RASA2: variants seen among roughly 807,000 people sequenced by gnomAD.
RASA2 encodes the protein ras GTPase-activating protein 2.
In RASA2, 155 loss-of-function variants were observed where a neutral mutation model predicts 118.2. The observed-to-expected ratio is 1.31, with a 90% CI of 1.15 to 1.50. RASA2 has a LOEUF of 1.50. Ranked by LOEUF, RASA2 falls within the 40% of genes most tolerant of loss-of-function variation. RASA2 has a pLI of 0.00. For missense variants in RASA2, 1,016 were observed against 1,009.6 expected (o/e 1.01, Z -0.09); for synonymous variants, 353 against 349.1 (o/e 1.01, Z -0.12).
chr3:141,568,763 C>T (rs921819182), intron 9 of RASA2, among the ~76,000 whole-genome samples: 3 of 151,852 alleles, frequency 2.0e-5, no homozygotes, highest in Non-Finnish European at 4.4e-5. Context: ...TACCCTACAG[C>T]GTTTGTTAAT....
intron 17 of RASA2, among the ~76,000 whole-genome samples, chr3:141,583,361 G>GT (rs2083147020): frequency 6.6e-6 from 1 of 152,092 alleles, no homozygotes; most frequent in Admixed American, 6.6e-5. Context: ...GGAGGTAGAG[G>GT]TTGCAGTGAG....
intron 1 of RASA2, 77 bp from the exon 2 acceptor site, chr3:141,512,086 T>C: frequency 4.3e-6 from 4 of 928,496 alleles, no homozygotes; most frequent in Non-Finnish European, 5.1e-6. Flanking sequence ...TTCTTTCAGA[T>C]TGAAGTCATC....
intron 3 of RASA2, among the ~76,000 whole-genome samples, chr3:141,528,132 TGTATTTTTTTAATACAGTTACCACTC>T (rs1360466051): frequency 6.6e-6 from 1 of 151,938 alleles, no homozygotes; most frequent in African/African-American, 2.4e-5. Flanking sequence ...CTCCTTCGAT[TGTATTTTTTTAATACAGTTACCACTC>T]GTATTTTTTT....
At chr3:141,529,890 C>A in intron 4 of RASA2, 88 bp downstream of exon 4, 2 of 944,126 alleles carry the variant, frequency 2.1e-6, no homozygotes, top group Non-Finnish European at 3.2e-6. Context: ...GTAAATAGAG[C>A]ATATTATACC....
chr3:141,536,447 A>C (rs376128105), intron 4 of RASA2, among the ~76,000 whole-genome samples: 4 of 152,168 alleles, frequency 2.6e-5, no homozygotes, highest in African/African-American at 7.2e-5. Context: ...CAGCCAAACC[A>C]TATCAGTACG....
At chr3:141,551,281 T>C (rs1369203109) in intron 5 of RASA2, among the ~76,000 whole-genome samples, 1 of 152,232 alleles carries the variant, frequency 6.6e-6, no homozygotes, top group Non-Finnish European at 1.5e-5. Flanking sequence ...GCACAGTCTT[T>C]ACTGGAGGGC....
chr3:141,509,482 A>G (rs1216040945), intron 1 of RASA2, among the ~76,000 whole-genome samples: 2 of 152,378 alleles, frequency 1.3e-5, no homozygotes, highest in East Asian at 3.9e-4. Flanking sequence ...AAATTCTCCC[A>G]ATTAGATATG....
At chr3:141,576,009 T>A (rs914645082) in intron 14 of RASA2, among the ~76,000 whole-genome samples, 4 of 152,202 alleles carry the variant, frequency 2.6e-5, no homozygotes, top group Admixed American at 6.5e-5. Context: ...ACTCCTGACC[T>A]CAGATGATCC....
chr3:141,526,053 C>T (rs1035851374), intron 3 of RASA2: 5 of 152,146 alleles, frequency 3.3e-5, no homozygotes, highest in African/African-American at 4.8e-5. Context: ...CACAAACAGG[C>T]ATGCCTTGGT....
intron 12 of RASA2, 60 bp from the exon 13 acceptor site, chr3:141,573,087 T>G: frequency 7.3e-7 from 1 of 1,368,276 alleles, no homozygotes; most frequent in Non-Finnish European, 9.9e-7. Flanking sequence ...AAAAATAAGT[T>G]ATTTTCATTT....
chr3:141,609,424 G>T lies in RASA2; in HGVS notation c.2230G>T (p.Val744Phe), dbSNP rs1463774211. 1.5e-5 allele frequency: 23 copies of T among 1,562,240 alleles called. No individual in the cohort carries two copies. Among genetic ancestry groups the T allele is most frequent in the Non-Finnish European group, 1.8e-5 (21 of 1,145,734 alleles). ...ATTTTTTTATTTTTACCATAGAGGTGTCCCTGCAGACATCCAAATAGATAT... is the reference window on the plus strand; with the variant it reads ...ATTTTTTTATTTTTACCATAGAGGTTTCCCTGCAGACATCCAAATAGATAT... Reference protein sequence around the residue: ...TLGCKPCTAGVPADIQIDIDE... With the variant: ...TLGCKPCTAGFPADIQIDIDE... Residue 744 changes from valine to phenylalanine, a missense_variant, in exon 22 of 24, where the codon GTC (valine) becomes TTC (phenylalanine). Val to Phe is a conservative substitution (Grantham distance 50). Coordinates refer to ENST00000286364, the MANE Select transcript of RASA2 (RefSeq NM_006506.5).
intron 17 of RASA2, among the ~76,000 whole-genome samples, chr3:141,584,020 A>C (rs1335985042): frequency 6.6e-6 from 1 of 152,134 alleles, no homozygotes; most frequent in African/African-American, 2.4e-5. Flanking sequence ...TAGATTAAAA[A>C]AAAAGAAGAA....
At chr3:141,533,409 C>T (rs2082285833) in intron 4 of RASA2, among the ~76,000 whole-genome samples, 1 of 152,160 alleles carries the variant, frequency 6.6e-6, no homozygotes, top group South Asian at 2.1e-4. Flanking sequence ...CCCAAATAAT[C>T]GCAAGCCTGT....
In RASA2 at chr3:141,487,061, T is replaced by TGCGGCACGGGCC. The variant is rs2081584141; in HGVS notation, c.-21_-10dup. 4 of 1,245,830 alleles carry TGCGGCACGGGCC rather than the reference T, an allele frequency of 3.2e-6. No homozygotes were observed. The highest frequency in any genetic ancestry group is 4.0e-6 in the Non-Finnish European group (4 of 989,110). 77.2% of individuals were successfully genotyped at this position (1,245,830 alleles called of 1,614,324 possible). ...CGCCCGGCTACGCAGGCGGCAGGGC[T>TGCGGCACGGGCC]GCGGCACGGGCCGGGCGGCACCATG... On this transcript the variant is annotated 5_prime_UTR_variant, in exon 1 of 24. Coordinates refer to ENST00000286364, the MANE Select transcript of RASA2 (RefSeq NM_006506.5).
At chr3:141,550,415 A>G (rs1049545933) in intron 5 of RASA2, among the ~76,000 whole-genome samples, 1 of 152,220 alleles carries the variant, frequency 6.6e-6, no homozygotes, top group African/African-American at 2.4e-5. Flanking sequence ...GAACTGTCTC[A>G]GGATGGAGAG....
At chr3:141,598,807 G>A (rs2083415479) in intron 19 of RASA2, among the ~76,000 whole-genome samples, 1 of 152,064 alleles carries the variant, frequency 6.6e-6, no homozygotes, top group African/African-American at 2.4e-5. Flanking sequence ...AAAGAAGGCT[G>A]GGCACGGTGG....
chr3:141,495,480 G>A, intron 1 of RASA2, among the ~76,000 whole-genome samples: 1 of 152,144 alleles, frequency 6.6e-6, no homozygotes, highest in African/African-American at 2.4e-5. Flanking sequence ...CAAATGTCCA[G>A]TAAACATGAA....
At chr3:141,550,024 G>A (rs1042633308) in intron 5 of RASA2, among the ~76,000 whole-genome samples, 1 of 152,190 alleles carries the variant, frequency 6.6e-6, no homozygotes, top group Non-Finnish European at 1.5e-5. Flanking sequence ...ATACTTGGTA[G>A]GGAGAAAGGA....
chr3:141,511,531 A>T (rs1020762120), intron 1 of RASA2, among the ~76,000 whole-genome samples: 1 of 152,174 alleles, frequency 6.6e-6, no homozygotes, highest in Admixed American at 6.5e-5. Flanking sequence ...ATTTATGTTC[A>T]CTTGGGTTAA....
Sources: gnomAD v4.1 joint callset for allele counts (sites outside exome capture counted in the v4.1 genomes callset) on GRCh38, gnomAD v4.1.1 for gene constraint, MANE v1.5 for transcripts, NCBI Gene and HGNC (gene_info 2026-07-23, HGNC 2026-07-21) for gene names.